SYNE3: variants seen among roughly 807,000 people sequenced by gnomAD.
SYNE3 encodes the protein nesprin-3.
SYNE3 carries 100 observed loss-of-function variants against 111.2 expected under a neutral mutation model. The observed-to-expected ratio is 0.90, with a 90% CI of 0.77 to 1.06. SYNE3 has a LOEUF of 1.06. Ranked by LOEUF, SYNE3 falls within the 50% of genes least tolerant of loss-of-function variation. The probability of loss-of-function intolerance (pLI) is 0.00; values close to 1 mark genes in which losing one functional copy is unlikely to be tolerated. For synonymous variants in SYNE3, 547 were observed against 533.9 expected (o/e 1.02, Z -0.34); for missense variants, 1,160 against 1,240.3 (o/e 0.94, Z 0.97).
intron 1 of SYNE3, among the ~76,000 whole-genome samples, chr14:95,502,104 A>G (rs1020193027): frequency 3.9e-5 from 6 of 152,158 alleles, no homozygotes; most frequent in East Asian, 1.9e-4. Flanking sequence ...AGGATGACCA[A>G]TTTATCCTGA....
chr14:95,420,997 C>T (rs987513891), intron 17 of SYNE3, among the ~76,000 whole-genome samples: 6 of 152,110 alleles, frequency 3.9e-5, no homozygotes, highest in South Asian at 2.1e-4. Context: ...GAATAAGTCT[C>T]GCAAGATCTG....
chr14:95,453,735 T>C (rs7146812), intron 6 of SYNE3, among the ~76,000 whole-genome samples: 96,422 of 152,050 alleles, frequency 0.63, 32,096 homozygotes, highest in African/African-American at 0.85. Context: ...TGAGCAAGAC[T>C]GGGGGCTGTC....
intron 2 of SYNE3, 80 bp from the exon 3 acceptor site, chr14:95,468,047 C>T: frequency 2.7e-6 from 4 of 1,485,700 alleles, no homozygotes; most frequent in Non-Finnish European, 3.6e-6. Flanking sequence ...TGGCATGGTG[C>T]AAAGAGCCAG....
chr14:95,495,098 C>T (rs185667399), intron 1 of SYNE3, among the ~76,000 whole-genome samples: 9 of 148,138 alleles, frequency 6.1e-5, no homozygotes, highest in Admixed American at 2.7e-4. Context: ...GGCAACAGAG[C>T]GAGACTCAGT....
chr14:95,515,276 C>A (rs1178572189), intron 1 of SYNE3, among the ~76,000 whole-genome samples: 3 of 152,330 alleles, frequency 2.0e-5, no homozygotes, highest in East Asian at 3.9e-4. Flanking sequence ...CACCGTCCGG[C>A]CTGAGGAATG....
intron 1 of SYNE3, among the ~76,000 whole-genome samples, chr14:95,498,866 G>C (rs796582668): frequency 1.3e-5 from 2 of 152,168 alleles, no homozygotes; most frequent in Non-Finnish European, 2.9e-5. Flanking sequence ...ATGGCAGCAG[G>C]ACAAGGCGGA....
chr14:95,512,951 G>A (rs1000735141), intron 1 of SYNE3, among the ~76,000 whole-genome samples: 1 of 152,222 alleles, frequency 6.6e-6, no homozygotes, highest in African/African-American at 2.4e-5. Context: ...GGATCCCACT[G>A]AGAGTGAAAC....
At chr14:95,432,393 G>C (rs541224859) in intron 16 of SYNE3, among the ~76,000 whole-genome samples, 1 of 152,234 alleles carries the variant, frequency 6.6e-6, no homozygotes, top group East Asian at 1.9e-4. Context: ...GACACCTAGT[G>C]GCCGTCTCGG....
At chr14:95,474,580 G>T (rs1169894275) in intron 2 of SYNE3, among the ~76,000 whole-genome samples, 1 of 152,224 alleles carries the variant, frequency 6.6e-6, no homozygotes, top group Non-Finnish European at 1.5e-5. Context: ...GGTGTGAGGA[G>T]ACTCCATTTC....
chr14:95,421,592 C>A (rs118006330), intron 17 of SYNE3, among the ~76,000 whole-genome samples: 1 of 152,186 alleles, frequency 6.6e-6, no homozygotes. Flanking sequence ...AATGAGGCCA[C>A]GCATGCTATG....
chr14:95,492,694 G>C (rs920991228), intron 1 of SYNE3, among the ~76,000 whole-genome samples: 1 of 152,180 alleles, frequency 6.6e-6, no homozygotes, highest in Non-Finnish European at 1.5e-5. Flanking sequence ...TGATTGTGGT[G>C]ACGGCTGTAC....
chr14:95,432,073 C>T lies in SYNE3; in HGVS notation c.2727+6G>A, dbSNP rs747589309. ...AGCCGTGTGGAGCAGATGGCAGACA[C>T]TGTACCTTTTGGAATCCAGTCGGCT... On this transcript the variant is annotated splice_donor_region_variant and intron_variant, in intron 17 of 17. Transcript: ENST00000682763. 6 of 1,611,704 alleles carry T rather than the reference C, an allele frequency of 3.7e-6. No homozygotes were observed. The highest frequency in any genetic ancestry group is 5.1e-6 in the Non-Finnish European group (6 of 1,178,928).
chr14:95,458,217 T>C (rs1342700394), intron 4 of SYNE3, among the ~76,000 whole-genome samples: 1 of 152,200 alleles, frequency 6.6e-6, no homozygotes, highest in Admixed American at 6.5e-5. Flanking sequence ...CAGGCCCAAG[T>C]CCAGTCCTTA....
At position 95,456,908 on chromosome 14, in the gene SYNE3, C is replaced by A. The variant is rs191799003; in HGVS notation, c.789+269G>T. On this transcript the variant is annotated intron_variant, in intron 5 of 17. Transcript: ENST00000682763. ...GACCATCCTGGCTAACATGGTGAAA[C>A]CCTGTCTCTACTAAAAATACAAAAA... 2.6e-5 allele frequency among the ~76,000 whole-genome samples: 4 copies of A among 152,138 alleles called. No individual in the cohort carries two copies. The East Asian group carries it at 7.8e-4, about 29-fold the overall frequency.
intron 1 of SYNE3, among the ~76,000 whole-genome samples, chr14:95,514,814 C>T (rs144825165): frequency 5.3e-5 from 8 of 152,326 alleles, no homozygotes; most frequent in Non-Finnish European, 8.8e-5. Context: ...GTGCTTTTGA[C>T]GTTGAGCTGG....
intron 1 of SYNE3, among the ~76,000 whole-genome samples, chr14:95,510,466 G>A (rs999036256): frequency 1.4e-4 from 22 of 152,346 alleles, no homozygotes; most frequent in African/African-American, 4.8e-4. Context: ...AAGGCAGGAA[G>A]AATATCTTTG....
At chr14:95,440,462 G>C (rs942137115) in intron 11 of SYNE3, among the ~76,000 whole-genome samples, 1 of 152,196 alleles carries the variant, frequency 6.6e-6, no homozygotes, top group Non-Finnish European at 1.5e-5. Flanking sequence ...GTATGTCCCA[G>C]AAATGGGAAC....
At chr14:95,441,467 T>C (rs1298223657) in intron 11 of SYNE3, among the ~76,000 whole-genome samples, 1 of 152,222 alleles carries the variant, frequency 6.6e-6, no homozygotes, top group Non-Finnish European at 1.5e-5. Context: ...GAAGGACATA[T>C]TAGATTAACA....
Position 95,436,858 on chromosome 14 carries a change from T to C in SYNE3, c.2500A>G (p.Thr834Ala). Residue 834 changes from threonine (T) to alanine (A), a missense_variant, in exon 15 of 18, where the codon ACA becomes GCA. Thr to Ala is a moderately conservative substitution (Grantham distance 58). Coordinates refer to ENST00000682763, the MANE Select transcript of SYNE3 (RefSeq NM_152592.6). ...LVRIIAMRTS[T>A]AEDLRTRKSK... ...TTTCTGGTCCTCAAGTCCTCAGCTG[T>C]AGAAGTTCTCATTGCGATGATTCTA... 1 of 1,614,214 alleles carries C rather than the reference T, an allele frequency of 6.2e-7. No individual in the cohort carries two copies. Among genetic ancestry groups the C allele is most frequent in the Non-Finnish European group, 8.5e-7 (1 of 1,180,038 alleles).
Sources: allele counts gnomAD v4.1 joint callset (sites outside exome capture counted in the v4.1 genomes callset), GRCh38; gene constraint gnomAD v4.1.1; transcripts MANE v1.5; gene names NCBI Gene and HGNC (gene_info 2026-07-23, HGNC 2026-07-21).